KIFAP3: variants seen among roughly 807,000 people sequenced by gnomAD.
KIFAP3 encodes kinesin-associated protein 3.
In KIFAP3, 68 loss-of-function variants were observed where a neutral mutation model predicts 106.5. That is an observed-to-expected ratio of 0.64 (90% confidence interval 0.53 to 0.78). The LOEUF is 0.78. KIFAP3 is among the 30% of genes least tolerant of loss of function. The pLI, the probability that KIFAP3 is intolerant of heterozygous loss-of-function variation, is 0.00. For missense variants in KIFAP3, 780 were observed against 941.8 expected, an observed-to-expected ratio of 0.83 and a Z score of 2.25; for synonymous variants, 320 against 311.5, an observed-to-expected ratio of 1.03 and a Z score of -0.29.
intron 1 of KIFAP3, among the ~76,000 whole-genome samples, chr1:170,082,530 T>A (rs1316674757): frequency 6.6e-6 from 1 of 152,262 alleles, no homozygotes; most frequent in Non-Finnish European, 1.5e-5. Flanking sequence ...TGCATTCATT[T>A]TATTGCATGT....
rs140423077 is a variant in KIFAP3 at position 170,000,401 on chromosome 1, T to C, written c.1184-8146A>G. On this transcript the variant is annotated intron_variant, in intron 10 of 19. Coordinates refer to ENST00000361580, the MANE Select transcript of KIFAP3 (RefSeq NM_014970.4). The stretch of plus-strand genomic sequence containing the variant: ...AGGATAGAATAGCATTAAGGTGATA[T>C]ATTACCCCTGGAAAGTCTATATGAA... Among the ~76,000 whole-genome samples, 186 of 152,262 alleles carry C rather than the reference T, an allele frequency of 1.2e-3. 6 individuals are homozygous for C. The East Asian group carries it at 0.029, about 23-fold the overall frequency.
chr1:170,042,730 A>C (rs994889645), intron 3 of KIFAP3, among the ~76,000 whole-genome samples: 5 of 152,110 alleles, frequency 3.3e-5, no homozygotes, highest in African/African-American at 7.2e-5. Context: ...TTCAACAGTT[A>C]CTTCATTTTG....
intron 19 of KIFAP3, among the ~76,000 whole-genome samples, chr1:169,951,688 G>C (rs922412833): frequency 6.6e-6 from 1 of 151,686 alleles, no homozygotes; most frequent in Non-Finnish European, 1.5e-5. Flanking sequence ...GAGCAAAAAA[G>C]GATTTTCTGT....
intron 10 of KIFAP3, among the ~76,000 whole-genome samples, chr1:169,993,197 T>A (rs938605499): frequency 6.9e-6 from 1 of 145,644 alleles, no homozygotes; most frequent in Non-Finnish European, 1.5e-5. Context: ...AACCTCCACC[T>A]CCCAGGTTCA....
intron 11 of KIFAP3, among the ~76,000 whole-genome samples, chr1:169,989,606 C>G (rs1053530218): frequency 5.9e-4 from 90 of 152,174 alleles, no homozygotes; most frequent in South Asian, 5.6e-3. Context: ...TTTGATTACA[C>G]TTTGCATTGA....
chr1:169,927,040 C>G (rs1470053999), intron 19 of KIFAP3, among the ~76,000 whole-genome samples: 2 of 152,068 alleles, frequency 1.3e-5, no homozygotes, highest in African/African-American at 4.8e-5. Flanking sequence ...ATTATAGAAT[C>G]AAAATCAGTA....
At position 169,981,990 on chromosome 1, in the gene KIFAP3, G is replaced by A. The variant is rs1429465866; in HGVS notation, c.1780C>T (p.Leu594Phe). The A allele has an allele frequency of 6.2e-7, 1 of 1,612,990 alleles. No homozygotes were observed. The highest frequency in any genetic ancestry group is 8.5e-7 in the Non-Finnish European group (1 of 1,179,114). The stretch of plus-strand genomic sequence containing the variant: ...TATTTACCATTTAGCAATTCAATGA[G>A]TGCAGGGATTATGCCAGATTTGGCT... ...LLAKSGIIPA[L>F]IELLNAQQED... Residue 594 changes from leucine to phenylalanine, a missense_variant, in exon 15 of 20, where the codon CTC becomes TTC. Physicochemically the swap from Leu to Phe is conservative, Grantham distance 22 (BLOSUM62 0). This residue lies in a region of KIFAP3 where 78 missense variants were observed against 140.6 expected (regional missense o/e 0.55). Coordinates refer to ENST00000361580, the MANE Select transcript of KIFAP3 (RefSeq NM_014970.4).
intron 19 of KIFAP3, among the ~76,000 whole-genome samples, chr1:169,947,789 TA>T (rs1222697072): frequency 6.6e-6 from 1 of 151,780 alleles, no homozygotes; most frequent in Non-Finnish European, 1.5e-5. Context: ...AAAATTTTTA[TA>T]AAAAACATTT....
intron 15 of KIFAP3, among the ~76,000 whole-genome samples, chr1:169,981,448 C>T (rs191923875): frequency 8.5e-5 from 13 of 152,180 alleles, no homozygotes; most frequent in African/African-American, 2.9e-4. Flanking sequence ...ATTCAAGTAA[C>T]CCTTATTTCA....
At chr1:169,945,467 TCA>T (rs1408201972) in intron 19 of KIFAP3, among the ~76,000 whole-genome samples, 2 of 152,126 alleles carry the variant, frequency 1.3e-5, no homozygotes, top group African/African-American at 2.4e-5. Flanking sequence ...TCTGTGTAGC[TCA>T]CAGTGTCAGC....
intron 19 of KIFAP3, 25 bp from the exon 20 acceptor site, chr1:169,921,806 A>T: frequency 1.3e-6 from 2 of 1,562,280 alleles, no homozygotes; most frequent in Non-Finnish European, 1.8e-6. Flanking sequence ...AAAGAATGAT[A>T]AGCTATGTTT....
intron 10 of KIFAP3, among the ~76,000 whole-genome samples, chr1:170,002,957 C>T (rs1667739688): frequency 1.3e-5 from 2 of 152,138 alleles, no homozygotes; most frequent in African/African-American, 4.8e-5. Context: ...ATATGGACTT[C>T]TGAATACGTT....
At position 170,049,893 on chromosome 1, in the gene KIFAP3, C is replaced by T. The variant is rs150373442; in HGVS notation, c.165-3027G>A. Among the ~76,000 whole-genome samples the T allele has an allele frequency of 7.0e-3, 1,060 of 151,870 alleles. 11 individuals carry two copies. Among genetic ancestry groups the T allele is most frequent in the Non-Finnish European group, 0.012 (797 of 67,926 alleles). The stretch of plus-strand genomic sequence containing the variant: ...TCCATGAAAATGAGAAAAAAACCAG[C>T]GCAAAAATGCTGAAAATCCCAAAAC... On this transcript the variant is annotated intron_variant, in intron 2 of 19. Transcript: ENST00000361580.
chr1:170,010,642 G>T (rs1041601506), intron 10 of KIFAP3, among the ~76,000 whole-genome samples: 1 of 151,790 alleles, frequency 6.6e-6, no homozygotes. Flanking sequence ...AGCAGGGGTC[G>T]CAATGTACTA....
chr1:169,979,738 A>G (rs911395378), intron 15 of KIFAP3, among the ~76,000 whole-genome samples: 1 of 152,096 alleles, frequency 6.6e-6, no homozygotes, highest in Non-Finnish European at 1.5e-5. Context: ...AAACACATAC[A>G]AACTCTGTGA....
intron 2 of KIFAP3, among the ~76,000 whole-genome samples, chr1:170,048,787 C>T (rs1670412184): frequency 6.6e-6 from 1 of 152,056 alleles, no homozygotes; most frequent in African/African-American, 2.4e-5. Context: ...AGGGACTGTG[C>T]TACCTGGCCC....
chr1:170,030,026 G>C (rs1191023765), intron 8 of KIFAP3, among the ~76,000 whole-genome samples: 2 of 151,710 alleles, frequency 1.3e-5, no homozygotes, highest in African/African-American at 4.8e-5. Flanking sequence ...ACAACTTCTA[G>C]AAGAAAACAT....
intron 19 of KIFAP3, among the ~76,000 whole-genome samples, chr1:169,941,071 T>C (rs548173516): frequency 6.6e-6 from 1 of 152,300 alleles, no homozygotes; most frequent in South Asian, 2.1e-4. Context: ...AGAAGCAAAC[T>C]ATAGAAAAGG....
At chr1:170,065,613 C>CAAAAAAAA (rs71125225) in intron 1 of KIFAP3, among the ~76,000 whole-genome samples, 1 of 49,900 alleles carries the variant, frequency 2.0e-5, no homozygotes. Flanking sequence ...GACTCCACCT[C>CAAAAAAAA]AAAAAAAAAA....
Sources: allele counts gnomAD v4.1 joint callset (sites outside exome capture counted in the v4.1 genomes callset), GRCh38; gene constraint gnomAD v4.1.1; regional missense constraint gnomAD v4.1.1; transcripts MANE v1.5; gene names NCBI Gene and HGNC (gene_info 2026-07-23, HGNC 2026-07-21).